FAM53A: variants seen among roughly 807,000 people sequenced by gnomAD.
FAM53A encodes the protein family with sequence similarity 53 member A.
FAM53A carries 28 observed loss-of-function variants against 26.6 expected under a neutral mutation model. That is an observed-to-expected ratio of 1.05 (90% CI 0.78 to 1.45). The LOEUF (loss-of-function observed/expected upper bound fraction) is 1.45. Among genes scored for constraint, FAM53A ranks in the 40% most tolerant of loss-of-function variants. The pLI is 0.00. For missense variants in FAM53A, 650 were observed against 575.8 expected (o/e 1.13, Z -1.32); for synonymous variants, 290 against 253.1 (o/e 1.15, Z -1.38).
chr4:1,642,387 C>T (rs954833088), intron 4 of FAM53A, among the ~76,000 whole-genome samples: 1 of 152,156 alleles, frequency 6.6e-6, no homozygotes, highest in Admixed American at 6.5e-5. Context: ...AGGCTCCGGC[C>T]CTCCCTCTGC....
At chr4:1,637,298 G>C (rs748889084), downstream of FAM53A, among the ~76,000 whole-genome samples, 4 of 152,178 alleles carry the variant, frequency 2.6e-5, no homozygotes, top group Non-Finnish European at 5.9e-5. Flanking sequence ...CTGAGGCCCT[G>C]GCACAGAGGC....
the FAM53A span, among the ~76,000 whole-genome samples, chr4:1,601,699 GCCCTC>G: frequency 9.1e-6 from 1 of 109,828 alleles, no homozygotes; most frequent in African/African-American, 2.9e-5. Context: ...TGTCTCTCCT[GCCCTC>G]CCCTGGCACC....
chr4:1,608,258 G>A, the FAM53A span, among the ~76,000 whole-genome samples: 118 of 151,818 alleles, frequency 7.8e-4, 2 homozygotes, highest in Admixed American at 6.4e-3. Flanking sequence ...TCCACCTGCC[G>A]TGCCTGCACC....
chr4:1,666,656 T>A (rs967598886), intron 2 of FAM53A, among the ~76,000 whole-genome samples: 1 of 152,268 alleles, frequency 6.6e-6, no homozygotes, highest in Admixed American at 6.5e-5. Context: ...CCGCTCTGTA[T>A]CCTTTGGTCT....
At chr4:1,638,229 C>G (rs569677826), downstream of FAM53A, among the ~76,000 whole-genome samples, 2 of 152,194 alleles carry the variant, frequency 1.3e-5, no homozygotes, top group East Asian at 3.9e-4. Context: ...CACGCAGACA[C>G]GCCCAAGGGA....
intron 2 of FAM53A, among the ~76,000 whole-genome samples, chr4:1,658,261 C>G (rs1713562945): frequency 6.6e-6 from 1 of 152,030 alleles, no homozygotes; most frequent in Non-Finnish European, 1.5e-5. Flanking sequence ...ACCTCGTGAT[C>G]TTCCCGCCTC....
intron 1 of FAM53A, among the ~76,000 whole-genome samples, chr4:1,628,895 G>A (rs1412651080): frequency 1.3e-5 from 2 of 151,694 alleles, no homozygotes; most frequent in Non-Finnish European, 2.9e-5. Context: ...CCCACTGCAG[G>A]GTCCCCTACT....
chr4:1,621,543 G>A (rs1049606105), intron 1 of FAM53A, among the ~76,000 whole-genome samples: 1 of 152,092 alleles, frequency 6.6e-6, no homozygotes, highest in Admixed American at 6.5e-5. Context: ...TGGGGTGGGG[G>A]ACAGTGGGGT....
intron 1 of FAM53A, among the ~76,000 whole-genome samples, chr4:1,669,531 C>T (rs1275114629): frequency 6.6e-6 from 1 of 152,194 alleles, no homozygotes; most frequent in African/African-American, 2.4e-5. Flanking sequence ...AGGGCTGCTC[C>T]CAACAGACAC....
the FAM53A span, among the ~76,000 whole-genome samples, chr4:1,587,508 C>G: frequency 5.3e-5 from 8 of 152,096 alleles, no homozygotes; most frequent in African/African-American, 1.9e-4. Context: ...CCCATCTCTA[C>G]TAGAAATACA....
the FAM53A span, among the ~76,000 whole-genome samples, chr4:1,607,146 G>A: frequency 6.6e-6 from 1 of 152,130 alleles, no homozygotes; most frequent in Non-Finnish European, 1.5e-5. Context: ...AGCCTCCCAA[G>A]TAGCTGGGAT....
intron 1 of FAM53A, among the ~76,000 whole-genome samples, chr4:1,627,057 A>T (rs1251231007): frequency 1.3e-5 from 2 of 152,200 alleles, no homozygotes; most frequent in African/African-American, 4.8e-5. Flanking sequence ...CACAGGACCA[A>T]GCGTGGCCAT....
At chr4:1,608,146 C>T in the FAM53A span, among the ~76,000 whole-genome samples, 1 of 152,080 alleles carries the variant, frequency 6.6e-6, no homozygotes, top group Non-Finnish European at 1.5e-5. Flanking sequence ...AAATCACCTT[C>T]CCAGGACACA....
At chr4:1,624,109 C>A (rs1269530937) in intron 1 of FAM53A, among the ~76,000 whole-genome samples, 8 of 152,244 alleles carry the variant, frequency 5.3e-5, no homozygotes, top group Admixed American at 5.2e-4. Context: ...GGCCAGGTGC[C>A]CCCTCCCTGA....
At chr4:1,637,124 C>T (rs774611329), downstream of FAM53A, among the ~76,000 whole-genome samples, 67 of 151,790 alleles carry the variant, frequency 4.4e-4, no homozygotes, top group Admixed American at 1.4e-3. Context: ...GACAAGCTCT[C>T]GGCACAGGGA....
At chr4:1,607,977 T>TGGTG in the FAM53A span, among the ~76,000 whole-genome samples, 1 of 145,470 alleles carries the variant, frequency 6.9e-6, no homozygotes, top group Non-Finnish European at 1.5e-5. Context: ...CCGGATGTGG[T>TGGTG]AGCACGAGCC....
At chr4:1,647,804 G>A (rs1201029308) in intron 4 of FAM53A, among the ~76,000 whole-genome samples, 2 of 152,218 alleles carry the variant, frequency 1.3e-5, no homozygotes, top group African/African-American at 4.8e-5. Context: ...ATGTGTGTGT[G>A]CCCACCCAGA....
At chr4:1,651,826 G>A (rs573917367) in intron 4 of FAM53A, among the ~76,000 whole-genome samples, 6 of 152,114 alleles carry the variant, frequency 3.9e-5, no homozygotes, top group Non-Finnish European at 5.9e-5. Flanking sequence ...ACCCAAAGCC[G>A]GGGCTGCATG....
intron 1 of FAM53A, among the ~76,000 whole-genome samples, chr4:1,672,758 CCTTTTTT>C (rs1186759969): frequency 1.9e-5 from 2 of 107,656 alleles, no homozygotes; most frequent in Non-Finnish European, 3.5e-5. Flanking sequence ...ACCTGAATTT[CCTTTTTT>C]TTTTTTTTTT....
Sources: gnomAD v4.1 joint callset for allele counts (sites outside exome capture counted in the v4.1 genomes callset) on GRCh38, gnomAD v4.1.1 for gene constraint, MANE v1.5 for transcripts, NCBI Gene and HGNC (gene_info 2026-07-23, HGNC 2026-07-21) for gene names.